Variants in PORCN observed in about 807,000 individuals in gnomAD.
PORCN encodes porcupine O-acyltransferase.
A neutral mutation model predicts 43.0 loss-of-function variants in PORCN; 1 was observed. The ratio of observed to expected loss-of-function variants is 0.02; its 90% CI spans 0.01 to 0.11. PORCN has a LOEUF of 0.11. PORCN is among the 10% of genes least tolerant of loss of function. The probability of loss-of-function intolerance (pLI) is 1.00; values close to 1 mark genes in which losing one functional copy is unlikely to be tolerated. For synonymous variants in PORCN, 148 were observed against 166.4 expected (o/e 0.89, Z 0.85); for missense variants, 240 against 392.1 (o/e 0.61, Z 3.28).
chrX:48,518,641 T>C (rs1556975932), intron 14 of PORCN, among the ~76,000 whole-genome samples: 1 of 112,547 alleles, frequency 8.9e-6, no homozygotes, highest in Non-Finnish European at 1.9e-5. Flanking sequence ...AAATACCAGA[T>C]TTTACTCCTT....
intron 13 of PORCN, 39 bp downstream of exon 13, chrX:48,516,185 C>T: frequency 8.7e-7 from 1 of 1,150,021 alleles, no homozygotes; most frequent in Non-Finnish European, 1.2e-6. Flanking sequence ...CCCAACACTC[C>T]CTGTCAAAAA....
chrX:48,512,260 G>A, intron 4 of PORCN, 66 bp from the exon 5 acceptor site: 1 of 1,149,316 alleles, frequency 8.7e-7, no homozygotes, highest in Non-Finnish European at 1.2e-6. Context: ...CTCACCTGGT[G>A]CACCTCCTCC....
rs200707168 is a variant in PORCN, at chrX:48,514,314, C to T, written c.794C>T (p.Thr265Met). 120 of 1,210,400 alleles carry T rather than the reference C, an allele frequency of 9.9e-5. No individual in the cohort carries two copies. Among genetic ancestry groups the T allele is most frequent in the Non-Finnish European group, 1.3e-4 (112 of 895,164 alleles). Residue 265 changes from threonine to methionine, a missense_variant, in exon 9 of 15, where the codon ACG (threonine) becomes ATG (methionine). Thr to Met is a moderately conservative substitution (Grantham distance 81). Transcript: ENST00000326194. ...TTTGTGGGCTTTCTTTCCGAGGCCA[C>T]GGCCACGTTGGCGGGGGCTGGCTTT... ...NYFVGFLSEA[T>M]ATLAGAGFTE...
At chrX:48,512,994 C>T in intron 7 of PORCN, 142 bp downstream of exon 7, 1 of 764,308 alleles carries the variant, frequency 1.3e-6, no homozygotes, top group Non-Finnish European at 2.0e-6. Context: ...GGCTGGCTGG[C>T]TGACGAAGCT....
In PORCN at chrX:48,511,879, C is replaced by T; in HGVS notation, c.330-13C>T. 8 of 1,208,951 alleles carry T rather than the reference C, an allele frequency of 6.6e-6. No homozygotes were observed. The highest frequency in any genetic ancestry group is 4.6e-4 in the Middle Eastern group (2 of 4,344). The stretch of plus-strand genomic sequence containing the variant: ...GAGTGTCATGGGACCAAGACCAGCA[C>T]CTTTTTCCTCAGTGAGATGCACATG... On this transcript the variant is annotated splice_polypyrimidine_tract_variant and intron_variant, in intron 3 of 14. Coordinates refer to ENST00000326194, the MANE Select transcript of PORCN (RefSeq NM_203475.3).
chrX:48,516,193 A>C lies in PORCN; in HGVS notation c.1173+47A>C, dbSNP rs782178385. On this transcript the variant is annotated intron_variant, in intron 13 of 14. Coordinates refer to ENST00000326194, the MANE Select transcript of PORCN (RefSeq NM_203475.3). Reference sequence around the variant, plus strand: ...CCTTGTGCCCAACACTCCCTGTCAAAAATGTTCCTTCTATCTCTATCTTGT... The same window carrying C: ...CCTTGTGCCCAACACTCCCTGTCAACAATGTTCCTTCTATCTCTATCTTGT... The C allele has an allele frequency of 1.6e-5, 18 of 1,118,443 alleles. No homozygotes were observed. The East Asian group carries it at 4.8e-4, about 30-fold the overall frequency. The allele number at this position is 1,118,443 out of a possible 1,213,427, so 92.2% of individuals were successfully genotyped here.
intron 9 of PORCN, 52 bp downstream of exon 9, chrX:48,514,417 G>A (rs1398480573): frequency 1.7e-6 from 2 of 1,195,058 alleles, no homozygotes; most frequent in African/African-American, 1.8e-5. Flanking sequence ...TAGAGGAGCT[G>A]CAGGGAGGAG....
At position 48,520,615 on chromosome X, in the gene PORCN, C is replaced by G; in HGVS notation, c.*139C>G. ...ACACCTCAACACACACACACACACACACACACAAAATCACACCATTTTCAT... is the reference window on the plus strand; with the variant it reads ...ACACCTCAACACACACACACACACAGACACACAAAATCACACCATTTTCAT... On this transcript the variant is annotated 3_prime_UTR_variant, in exon 15 of 15. Coordinates refer to ENST00000326194, the MANE Select transcript of PORCN (RefSeq NM_203475.3). 1 of 506,651 alleles carries G rather than the reference C, an allele frequency of 2.0e-6. No homozygotes were observed. The highest frequency in any genetic ancestry group is 3.5e-6 in the Non-Finnish European group (1 of 282,921). 41.8% of individuals were successfully genotyped at this position (506,651 alleles called of 1,213,427 possible).
At position 48,515,973 on chromosome X, in the gene PORCN, C is replaced by T. The variant is rs1453719231; in HGVS notation, c.1087+20C>T. ...AGCATGGTGAGTGCAGGGCCCAGCC[C>T]AGCCGTTGGATAGAAGGTTGGTGGG... On this transcript the variant is annotated intron_variant, in intron 12 of 14. Coordinates refer to ENST00000326194, the MANE Select transcript of PORCN (RefSeq NM_203475.3). 8.3e-7 allele frequency: 1 copy of T among 1,207,650 alleles called. No homozygotes were observed. The highest frequency in any genetic ancestry group is 1.8e-5 in the African/African-American group (1 of 57,057).
At chrX:48,512,756 G>C in intron 6 of PORCN, 37 bp downstream of exon 6, 1 of 1,212,456 alleles carries the variant, frequency 8.2e-7, no homozygotes, top group Non-Finnish European at 1.1e-6. Context: ...CCAGCAATGA[G>C]GGGGTTGGGT....
rs2061676332 is a variant in PORCN, at chrX:48,511,617, A to C, written c.329+130A>C. 38 of 647,537 alleles carry C rather than the reference A, an allele frequency of 5.9e-5. No homozygotes were observed. The South Asian group carries it at 8.0e-4, about 14-fold the overall frequency. The allele number at this position is 647,537 out of a possible 1,213,427, so 53.4% of individuals were successfully genotyped here. ...CGGAGAAAGAAGGGAGTCTGGGAGA[A>C]TCATTTGCCTATGAGGAGACACAGA... On this transcript the variant is annotated intron_variant, in intron 3 of 14. Coordinates refer to ENST00000326194, the MANE Select transcript of PORCN (RefSeq NM_203475.3).
At chrX:48,516,273 C>T (rs1394142912) in intron 13 of PORCN, 127 bp downstream of exon 13, 8 of 610,193 alleles carry the variant, frequency 1.3e-5, no homozygotes, top group Non-Finnish European at 2.2e-5. Flanking sequence ...TCCCCATAAC[C>T]TCTCCTCTAT....
rs1556973479 is a variant in PORCN, at chrX:48,509,800, A to G, written c.-21A>G. ...CTTTGACAGATCTATCCATCTGGCC[A>G]TCCATCCGTGGGGGTCTGCAATGGC... On this transcript the variant is annotated 5_prime_UTR_variant, in exon 2 of 15. Coordinates refer to ENST00000326194, the MANE Select transcript of PORCN (RefSeq NM_203475.3). 2 of 1,209,662 alleles carry G rather than the reference A, an allele frequency of 1.7e-6. No individual in the cohort carries two copies. The highest frequency in any genetic ancestry group is 1.1e-6 in the Non-Finnish European group (1 of 894,287).
In PORCN at chrX:48,512,981, G is replaced by A. The variant is rs1030861265; in HGVS notation, c.704+129G>A. 3.0e-5 allele frequency: 27 copies of A among 896,538 alleles called. No individual in the cohort carries two copies. The African/African-American group carries it at 3.7e-4, about 12-fold the overall frequency. 73.9% of individuals were successfully genotyped at this position (896,538 alleles called of 1,213,427 possible). A position where few individuals can be genotyped will look rare whatever the true frequency, so the allele number is the denominator to read the frequency against. ...ACTCCATGACTAGACAGAGACTGTG[G>A]TTGGCTGGCTGGCTGACGAAGCTTG... On this transcript the variant is annotated intron_variant, in intron 7 of 14. Coordinates refer to ENST00000326194, the MANE Select transcript of PORCN (RefSeq NM_203475.3).
intron 4 of PORCN, 30 bp from the exon 5 acceptor site, chrX:48,512,296 C>T (rs782143487): frequency 1.7e-6 from 2 of 1,206,485 alleles, no homozygotes; most frequent in South Asian, 1.8e-5. Flanking sequence ...GCTCTCTGCC[C>T]ATCCACTTGA....
rs2061710679 is a variant in PORCN at position 48,515,687 on chromosome X, G to C, written c.947-30G>C. 4 of 1,173,070 alleles carry C rather than the reference G, an allele frequency of 3.4e-6. No homozygotes were observed. The Admixed American group carries it at 6.6e-5, about 19-fold the overall frequency. ...AGGAGGGGCTGGGGGACTTTCAGGAGAATTTTATCCCACATCTCTTCCCCT... is the reference window on the plus strand; with the variant it reads ...AGGAGGGGCTGGGGGACTTTCAGGACAATTTTATCCCACATCTCTTCCCCT... On this transcript the variant is annotated intron_variant, in intron 10 of 14. Transcript: ENST00000326194.
At chrX:48,517,410 G>A (rs1045089491) in intron 14 of PORCN, 117 bp downstream of exon 14, 10 of 518,093 alleles carry the variant, frequency 1.9e-5, no homozygotes, top group East Asian at 3.7e-5. Flanking sequence ...GTGCTGCTTC[G>A]CCTGGGCAGC....
chrX:48,516,508 G>A (rs1183623061), intron 13 of PORCN, among the ~76,000 whole-genome samples: 1 of 111,776 alleles, frequency 8.9e-6, no homozygotes, highest in Non-Finnish European at 1.9e-5. Context: ...TAGTGTGTCA[G>A]ATTGCAAGTA....
At chrX:48,513,400 C>T (rs1432238188) in intron 7 of PORCN, among the ~76,000 whole-genome samples, 1 of 112,324 alleles carries the variant, frequency 8.9e-6, no homozygotes, top group East Asian at 2.8e-4. Flanking sequence ...TCTGCCTTCC[C>T]TGATGGCTTG....
Sources: gnomAD v4.1 joint callset for allele counts (sites outside exome capture counted in the v4.1 genomes callset) on GRCh38, gnomAD v4.1.1 for gene constraint, MANE v1.5 for transcripts, NCBI Gene and HGNC (gene_info 2026-07-23, HGNC 2026-07-21) for gene names.